Variants in OR51B5 observed in about 807,000 individuals in gnomAD.
The protein encoded by OR51B5 is olfactory receptor 51B5.
For missense variants in OR51B5, 456 were observed against 374.6 expected, an observed-to-expected ratio of 1.22 and a Z score of -1.79; for synonymous variants, 186 against 144.8, an observed-to-expected ratio of 1.28 and a Z score of -2.04.
intron 1 of OR51B5, chr11:5,488,961 G>C: frequency 6.2e-7 from 1 of 1,614,024 alleles, no homozygotes; most frequent in Non-Finnish European, 8.5e-7. Context: ...CCAAGATGCT[G>C]GCCATTTTGT....
rs138454277 is a variant in OR51B5 at position 5,470,913 on chromosome 11, T to A, written n.84+34656A>T. Among the ~76,000 whole-genome samples, 69 of 152,322 alleles carry A rather than the reference T, an allele frequency of 4.5e-4. 1 individual carries two copies. The East Asian group carries it at 0.013, about 29-fold the overall frequency. On this transcript the variant is annotated intron_variant and non_coding_transcript_variant, in intron 1 of 4. Transcript: ENST00000415970. ...CATTCGACACAAAGCAACCAAATTA[T>A]TTGTTTTTAATATAAAGTGATGTTA...
upstream of OR51B5, among the ~76,000 whole-genome samples, chr11:5,348,271 G>A (rs2133683937): frequency 6.6e-6 from 1 of 152,262 alleles, no homozygotes; most frequent in African/African-American, 2.4e-5. Context: ...GAGCATGGGT[G>A]TTGACTCAGG....
chr11:5,392,735 A>C (rs543490303), intron 1 of OR51B5: 3 of 152,358 alleles, frequency 2.0e-5, no homozygotes, highest in African/African-American at 7.2e-5. Flanking sequence ...ACACGGTGGA[A>C]CCCAGTCTCT....
intron 1 of OR51B5, chr11:5,351,940 C>T (rs5006886): frequency 1.2e-5 from 20 of 1,609,332 alleles, no homozygotes; most frequent in African/African-American, 6.7e-5. Context: ...GATTGGTGTG[C>T]GGGTATTGAC....
At chr11:5,343,411 A>AAAAAGGATGGATATATAC (rs1848936435) in exon 1 of OR51B5, 1 of 1,613,100 alleles carries the variant, frequency 6.2e-7, no homozygotes. Context: ...TGCCATTGCC[A>AAAAAGGATGGATATATAC]AAAAGGATGG....
intron 1 of OR51B5, among the ~76,000 whole-genome samples, chr11:5,442,946 A>C (rs1467916322): frequency 6.6e-6 from 1 of 152,142 alleles, no homozygotes; most frequent in African/African-American, 2.4e-5. Context: ...CTATTTGTCC[A>C]CAATTGTATT....
In OR51B5 at chr11:5,370,786, TGAAA is replaced by T. The variant is rs545200122; in HGVS notation, n.85-23880_85-23877del. Among the ~76,000 whole-genome samples, 455 of 152,220 alleles carry T rather than the reference TGAAA, an allele frequency of 3.0e-3. 1 individual carries two copies. Among genetic ancestry groups the T allele is most frequent in the African/African-American group, 0.01 (422 of 41,548 alleles). ...TAATTACAACCTCATATAGCTGCTA[TGAAA>T]GAAAGAAAAAATTTGATGCAATAGA... On this transcript the variant is annotated intron_variant and non_coding_transcript_variant, in intron 1 of 4. Transcript: ENST00000415970.
At chr11:5,411,067 A>T (rs568049342) in intron 1 of OR51B5, among the ~76,000 whole-genome samples, 1 of 152,328 alleles carries the variant, frequency 6.6e-6, no homozygotes, top group African/African-American at 2.4e-5. Context: ...CTAAATGTCC[A>T]GTGTTTATAA....
At chr11:5,422,663 G>C (rs10838094) in intron 1 of OR51B5, 1 of 1,613,586 alleles carries the variant, frequency 6.2e-7, no homozygotes, top group East Asian at 2.2e-5. Flanking sequence ...TTGCTGCTGT[G>C]TTCTGGCGGT....
chr11:5,351,064 C>T (rs1285836259), intron 1 of OR51B5, among the ~76,000 whole-genome samples: 10 of 152,128 alleles, frequency 6.6e-5, no homozygotes, highest in African/African-American at 2.4e-4. Flanking sequence ...TCTTTTAGGT[C>T]TCACATAGCC....
intron 1 of OR51B5, chr11:5,422,202 T>C: frequency 6.2e-7 from 1 of 1,604,654 alleles, no homozygotes. Flanking sequence ...TCATCAGTCA[T>C]GTCCCAGGTG....
At chr11:5,419,705 T>C (rs535333082) in intron 1 of OR51B5, among the ~76,000 whole-genome samples, 1 of 152,224 alleles carries the variant, frequency 6.6e-6, no homozygotes, top group Non-Finnish European at 1.5e-5. Flanking sequence ...CGAGAAACGA[T>C]GATACTTCAA....
chr11:5,419,582 G>A (rs935316630), intron 1 of OR51B5, among the ~76,000 whole-genome samples: 1 of 152,072 alleles, frequency 6.6e-6, no homozygotes, highest in Non-Finnish European at 1.5e-5. Flanking sequence ...AATTATTTAA[G>A]CATAAAGGAG....
chr11:5,403,656 G>C (rs75021260), intron 1 of OR51B5: 8 of 379,072 alleles, frequency 2.1e-5, no homozygotes, highest in African/African-American at 1.7e-4. Flanking sequence ...AAAACATGGC[G>C]TCTAACAGGA....
intron 1 of OR51B5, among the ~76,000 whole-genome samples, chr11:5,482,997 C>T (rs11037716): frequency 0.3 from 34,036 of 112,822 alleles, 5,467 homozygotes; most frequent in East Asian, 0.48. Context: ...CCCAGCCATC[C>T]CATTACTGGG....
intron 1 of OR51B5, among the ~76,000 whole-genome samples, chr11:5,460,630 T>TC (rs2133793283): frequency 1.3e-5 from 2 of 152,274 alleles, no homozygotes; most frequent in South Asian, 4.1e-4. Context: ...GCTGGTTCAG[T>TC]CACTGGTAGG....
intron 1 of OR51B5, among the ~76,000 whole-genome samples, chr11:5,407,121 T>C (rs946697585): frequency 1.3e-5 from 2 of 152,116 alleles, no homozygotes; most frequent in Admixed American, 1.3e-4. Context: ...GGAGAATGCC[T>C]ACCAAAACTG....
chr11:5,376,184 A>G (rs1368189670), intron 1 of OR51B5, among the ~76,000 whole-genome samples: 2 of 152,030 alleles, frequency 1.3e-5, no homozygotes, highest in Non-Finnish European at 2.9e-5. Flanking sequence ...AACTACATGG[A>G]AACTGAACAA....
chr11:5,495,945 A>AT lies in OR51B5; in HGVS notation n.84+9623dup, dbSNP rs540217075. Among the ~76,000 whole-genome samples, 429 of 152,054 alleles carry AT rather than the reference A, an allele frequency of 2.8e-3. 4 individuals are homozygous for AT. The highest frequency in any genetic ancestry group is 3.4e-3 in the Middle Eastern group (1 of 294). On this transcript the variant is annotated intron_variant and non_coding_transcript_variant, in intron 1 of 4. Transcript: ENST00000415970. Reference sequence around the variant, plus strand: ...CAGCGTAGCAGGGTGGCATATTGCAATTTTTTTTAACTTCATATGTTCCTG... The same window carrying AT: ...CAGCGTAGCAGGGTGGCATATTGCAATTTTTTTTTAACTTCATATGTTCCTG...
Sources: allele counts gnomAD v4.1 joint callset (sites outside exome capture counted in the v4.1 genomes callset), GRCh38; gene constraint gnomAD v4.1.1; transcripts MANE v1.5; gene names NCBI Gene and HGNC (gene_info 2026-07-23, HGNC 2026-07-21).